The following SLCO4A1 variants were observed in gnomAD, a reference collection of about 807,000 sequenced individuals.
SLCO4A1 encodes solute carrier organic anion transporter family member 4A1, also known as colon organic anion transporter.
A neutral mutation model predicts 64.6 loss-of-function variants in SLCO4A1; 51 were observed. That is an observed-to-expected ratio of 0.79 (90% CI 0.63 to 1.00). SLCO4A1 has a LOEUF of 1.00. SLCO4A1 is among the 50% of genes least tolerant of loss of function. The pLI is 0.00. For missense variants in SLCO4A1, 919 were observed against 980.5 expected (o/e 0.94, Z 0.84); for synonymous variants, 471 against 444.9 (o/e 1.06, Z -0.74).
chr20:62,681,873 G>C (rs540711192), intron 2 of SLCO4A1, among the ~76,000 whole-genome samples: 4 of 91,166 alleles, frequency 4.4e-5, no homozygotes, highest in Admixed American at 3.9e-4. Context: ...CACTTTATCT[G>C]TTGCTTCTTG....
chr20:62,661,040 C>CCCCCCCCCCCCCCCCCCAAA lies in SLCO4A1; in HGVS notation c.1010-23_1010-22insCCCCCCCCCCCCCCCCAAAC. The CCCCCCCCCCCCCCCCCCAAA allele has an allele frequency of 7.2e-7, 1 of 1,395,920 alleles. No individual in the cohort carries two copies. Among genetic ancestry groups the CCCCCCCCCCCCCCCCCCAAA allele is most frequent in the Non-Finnish European group, 1.0e-6 (1 of 984,524 alleles). The allele number at this position is 1,395,920 out of a possible 1,614,324, so 86.5% of individuals were successfully genotyped here. A position where few individuals can be genotyped will look rare whatever the true frequency, so the allele number is the denominator to read the frequency against. On this transcript the variant is annotated intron_variant, in intron 4 of 11. Coordinates refer to ENST00000217159, the MANE Select transcript of SLCO4A1 (RefSeq NM_016354.4). The surrounding 1 kb of genome is among the most constrained non-coding windows in gnomAD (Gnocchi z 5.2). ...CTCCGGGAGCCCCCAGCCCCCAGCC[C>CCCCCCCCCCCCCCCCCCAAA]CAGCTCACTCTGTGCCCTTCCAGGC... is the stretch of plus-strand genomic sequence containing the variant.
chr20:62,669,463 A>G (rs907705435), intron 11 of SLCO4A1, among the ~76,000 whole-genome samples: 29 of 151,854 alleles, frequency 1.9e-4, no homozygotes, highest in Non-Finnish European at 3.8e-4. Flanking sequence ...TAGCTGGTCC[A>G]CTCCGGGCCT....
downstream of SLCO4A1, chr20:62,672,430 C>T (rs939582391): frequency 3.7e-5 from 10 of 271,592 alleles, no homozygotes; most frequent in African/African-American, 6.9e-5. Flanking sequence ...CAGGCTCCCC[C>T]GTAAGTCGGC....
rs772579723 is a variant in SLCO4A1, at chr20:62,668,063, C to T, written c.1690C>T (p.His564Tyr). Residue 564 changes from histidine to tyrosine, a missense_variant, in exon 9 of 12, where the codon CAT becomes TAT. By Grantham distance (83) the His-to-Tyr change is moderately conservative. Transcript: ENST00000217159. The stretch of plus-strand genomic sequence containing the variant: ...TCAGAATCTTTCCTCTGGTTTTGGC[C>T]ATGCCACTGCAGGGAAATGCACTTC... ...IPQNLSSGFG[H>Y]ATAGKCTSTC... The T allele has an allele frequency of 1.9e-6, 3 of 1,613,896 alleles. No individual in the cohort carries two copies. The highest frequency in any genetic ancestry group is 1.7e-5 in the Admixed American group (1 of 60,008).
chr20:62,689,945 C>CGAGG (rs1988176938), downstream of SLCO4A1, among the ~76,000 whole-genome samples: 2 of 152,240 alleles, frequency 1.3e-5, no homozygotes, highest in Non-Finnish European at 2.9e-5. Flanking sequence ...TCCCCACCCT[C>CGAGG]ACCCCCAGGG....
intron 2 of SLCO4A1, among the ~76,000 whole-genome samples, chr20:62,657,455 G>A (rs1983956691): frequency 6.6e-6 from 1 of 152,244 alleles, no homozygotes; most frequent in Non-Finnish European, 1.5e-5. Context: ...GCTTTCTCAT[G>A]TGGACCCTGC....
chr20:62,666,737 G>C, intron 7 of SLCO4A1, 162 bp downstream of exon 7: 2 of 647,676 alleles, frequency 3.1e-6, no homozygotes, highest in Non-Finnish European at 5.3e-6. Flanking sequence ...GCACCCGGCA[G>C]CATCCACGTG....
chr20:62,688,432 G>T (rs13037588), downstream of SLCO4A1, among the ~76,000 whole-genome samples: 1 of 151,898 alleles, frequency 6.6e-6, no homozygotes, highest in Non-Finnish European at 1.5e-5. Context: ...CCCCAACCCC[G>T]CTCACCTGTA....
At chr20:62,683,554 G>A (rs1426366474) in intron 2 of SLCO4A1, among the ~76,000 whole-genome samples, 1 of 152,202 alleles carries the variant, frequency 6.6e-6, no homozygotes, top group African/African-American at 2.4e-5. Context: ...ATACCACAGG[G>A]TCCCGTACAA....
chr20:62,646,373 G>A (rs1981329988), intron 1 of SLCO4A1, among the ~76,000 whole-genome samples: 2 of 152,248 alleles, frequency 1.3e-5, no homozygotes, highest in African/African-American at 4.8e-5. Context: ...GAGAACTGGG[G>A]AGGTCCTTTC....
At chr20:62,666,099 C>A (rs1397245501) in intron 6 of SLCO4A1, 10 of 85,464 alleles carry the variant, frequency 1.2e-4, no homozygotes, top group Non-Finnish European at 1.7e-4. Flanking sequence ...CTCCTCCCCC[C>A]GCCCCGCCCC....
intron 5 of SLCO4A1, among the ~76,000 whole-genome samples, chr20:62,662,274 G>T (rs1362353820): frequency 6.6e-6 from 1 of 152,068 alleles, no homozygotes; most frequent in African/African-American, 2.4e-5. Flanking sequence ...GCCTGCTAAG[G>T]AGGGTGACCC....
intron 6 of SLCO4A1, chr20:62,666,024 A>C: frequency 1.6e-5 from 3 of 183,366 alleles, no homozygotes; most frequent in South Asian, 1.5e-4. Flanking sequence ...GAGGGGGGTC[A>C]GTGGAGGAGT....
chr20:62,677,774 G>A (rs999692621), intron 2 of SLCO4A1, among the ~76,000 whole-genome samples: 3 of 152,236 alleles, frequency 2.0e-5, no homozygotes, highest in Non-Finnish European at 2.9e-5. Flanking sequence ...TTCTGGGAAC[G>A]CTCAACTTGG....
rs368643286 is a variant in SLCO4A1 at position 62,656,647 on chromosome 20, G to A, written c.193G>A (p.Glu65Lys). 73 of 1,603,036 alleles carry A rather than the reference G, an allele frequency of 4.6e-5. No homozygotes were observed. In the East Asian group the frequency reaches 5.6e-4, roughly 12 times the overall value. ...SKQPLCQLWA[E>K]KHGARGTHEV... is the part of the protein sequence containing the mutation. The stretch of plus-strand genomic sequence containing the variant: ...GCAGCCCCTCTGCCAGCTCTGGGCC[G>A]AGAAGCATGGCGCCCGGGGGACCCA... Residue 65 changes from glutamate (E) to lysine (K), a missense_variant, in exon 2 of 12, where the codon GAG becomes AAG. Transcript: ENST00000217159.
At chr20:62,684,696 C>T (rs1313480804) in intron 2 of SLCO4A1, among the ~76,000 whole-genome samples, 1 of 152,134 alleles carries the variant, frequency 6.6e-6, no homozygotes, top group Non-Finnish European at 1.5e-5. Flanking sequence ...CTCAAGTTTC[C>T]TGAGTGTGCA....
intron 5 of SLCO4A1, among the ~76,000 whole-genome samples, chr20:62,662,218 A>G (rs562458733): frequency 2.0e-5 from 3 of 152,200 alleles, no homozygotes; most frequent in Admixed American, 2.0e-4. Context: ...TGGGAAAGAG[A>G]GGCCTCATTA....
chr20:62,661,104 C>T lies in SLCO4A1; in HGVS notation c.1050C>T (p.His350=). The T allele has an allele frequency of 2.0e-6, 3 of 1,489,090 alleles. No individual in the cohort carries two copies. The highest frequency in any genetic ancestry group is 2.8e-5 in the African/African-American group (2 of 71,788). The allele number at this position is 1,489,090 out of a possible 1,614,324, so 92.2% of individuals were successfully genotyped here. A position where few individuals can be genotyped will look rare whatever the true frequency, so the allele number is the denominator to read the frequency against. Residue 350 remains histidine, a synonymous_variant, in exon 5 of 12, where the codon CAC becomes CAT. Transcript: ENST00000217159. This position sits in a 1 kb window ranked among gnomAD's most constrained non-coding sequence, Gnocchi z 5.2. ...RYAVMRAAEM[H]QLKDSSRGEA... ...CGGTCATGAGAGCGGCGGAAATGCA[C>T]CAGTTGAAGGACAGCAGCCGTGGGG...
At chr20:62,666,231 G>GGT in intron 6 of SLCO4A1, 149 bp from the exon 7 acceptor site, 1 of 641,118 alleles carries the variant, frequency 1.6e-6, no homozygotes, top group Non-Finnish European at 2.7e-6. Context: ...TAAGCACTCA[G>GGT]GTGTGGTGTT....
Sources: gnomAD v4.1 joint callset for allele counts (sites outside exome capture counted in the v4.1 genomes callset) on GRCh38, gnomAD v4.1.1 for gene constraint, Gnocchi (gnomAD v3.1) non-coding constraint, MANE v1.5 for transcripts, NCBI Gene and HGNC (gene_info 2026-07-23, HGNC 2026-07-21) for gene names.